The following CADPS variants were observed in gnomAD, a reference collection of about 807,000 sequenced individuals.
CADPS encodes the protein calcium dependent secretion activator, also known as calcium-dependent secretion activator 1.
CADPS carries 57 observed loss-of-function variants against 167.3 expected under a neutral mutation model. The ratio of observed to expected loss-of-function variants is 0.34; its 90% CI spans 0.28 to 0.42. The LOEUF is 0.42. Among genes scored for constraint, CADPS ranks in the 20% least tolerant of loss-of-function variants. The pLI, the probability that CADPS is intolerant of heterozygous loss-of-function variation, is 1.00. For missense variants in CADPS, 1,414 were observed against 1,738.1 expected, an observed-to-expected ratio of 0.81 and a Z score of 3.32; for synonymous variants, 676 against 635.3, an observed-to-expected ratio of 1.06 and a Z score of -0.96.
chr3:62,645,821 C>T lies in CADPS; in HGVS notation c.1226G>A (p.Gly409Asp). The change falls in exon 6 of 30, where the codon GGC becomes GAC. Residue 409 changes from glycine (G) to aspartate (D), a missense_variant. Coordinates refer to ENST00000383710, the MANE Select transcript of CADPS (RefSeq NM_003716.4). The part of the protein sequence containing the change: ...SLEVVIMEVQ[G>D]LKSLAPNRIV... ...GCGATTTGGAGCCAAAGATTTGAGG[C>T]CTTGGACTTCCATAATTACCACCTG... 2 of 1,614,062 alleles carry T rather than the reference C, an allele frequency of 1.2e-6. No homozygotes were observed. Among genetic ancestry groups the T allele is most frequent in the Non-Finnish European group, 8.5e-7 (1 of 1,179,946 alleles).
At chr3:62,413,991 G>T (rs1235534236) in intron 28 of CADPS, among the ~76,000 whole-genome samples, 1 of 152,134 alleles carries the variant, frequency 6.6e-6, no homozygotes, top group Non-Finnish European at 1.5e-5. Flanking sequence ...AGAATTTTGA[G>T]ATTATGAAGA....
intron 1 of CADPS, among the ~76,000 whole-genome samples, chr3:62,855,844 T>C (rs1263549787): frequency 1.3e-5 from 2 of 152,164 alleles, no homozygotes; most frequent in African/African-American, 2.4e-5. Flanking sequence ...ATTAAGGTGC[T>C]TAAGGGGCAA....
chr3:62,763,769 C>T (rs1210612184), intron 2 of CADPS, among the ~76,000 whole-genome samples: 3 of 152,174 alleles, frequency 2.0e-5, no homozygotes, highest in Non-Finnish European at 4.4e-5. Context: ...CTAAGACTCT[C>T]CAAAGTATTT....
intron 8 of CADPS, among the ~76,000 whole-genome samples, chr3:62,577,108 T>C (rs1041496260): frequency 6.6e-6 from 1 of 152,032 alleles, no homozygotes; most frequent in Admixed American, 6.6e-5. Flanking sequence ...TCCCCCAAAA[T>C]TGCTGAATCC....
At chr3:62,612,991 G>A (rs377507712) in intron 6 of CADPS, among the ~76,000 whole-genome samples, 1 of 152,320 alleles carries the variant, frequency 6.6e-6, no homozygotes, top group East Asian at 1.9e-4. Context: ...AAGAATGACA[G>A]GAGTTGTGAA....
intron 6 of CADPS, among the ~76,000 whole-genome samples, chr3:62,644,179 T>C (rs995099803): frequency 2.0e-5 from 3 of 152,200 alleles, no homozygotes; most frequent in Admixed American, 2.0e-4. Flanking sequence ...TGGCAAATTA[T>C]TCATGTTCTG....
In CADPS at chr3:62,481,703, A is replaced by G; in HGVS notation, c.3173+20T>C. Reference sequence around the variant, plus strand: ...GATCACTTAAATTTAAATGAGATCTAATGTGAACTGAATACACACTCCGCA... The same window carrying G: ...GATCACTTAAATTTAAATGAGATCTGATGTGAACTGAATACACACTCCGCA... On this transcript the variant is annotated intron_variant, in intron 22 of 29. Transcript: ENST00000383710. 6.4e-7 allele frequency: 1 copy of G among 1,570,632 alleles called. No homozygotes were observed. Among genetic ancestry groups the G allele is most frequent in the Non-Finnish European group, 8.6e-7 (1 of 1,164,978 alleles).
At chr3:62,832,574 C>T (rs1298908677) in intron 1 of CADPS, among the ~76,000 whole-genome samples, 5 of 152,156 alleles carry the variant, frequency 3.3e-5, no homozygotes, top group African/African-American at 1.2e-4. Flanking sequence ...AGAGTTTTCA[C>T]CTAGCACCAT....
rs990955739 is a variant in CADPS at position 62,817,331 on chromosome 3, A to G, written c.442-51347T>C. ...GTGAGCATCGCAAATCAATTTCAGC[A>G]CACTTTCCTGAGGAAGAGGGAAGGG... is the stretch of plus-strand genomic sequence containing the variant. On this transcript the variant is annotated intron_variant, in intron 1 of 29. Transcript: ENST00000383710. Among the ~76,000 whole-genome samples the G allele has an allele frequency of 2.0e-5, 3 of 152,172 alleles. No individual in the cohort carries two copies. In the East Asian group the frequency reaches 5.8e-4, roughly 29 times the overall value.
At chr3:62,717,418 C>T (rs531507617) in intron 3 of CADPS, among the ~76,000 whole-genome samples, 9 of 152,270 alleles carry the variant, frequency 5.9e-5, no homozygotes, top group African/African-American at 2.2e-4. Context: ...GATATCTAAT[C>T]AAAATATCAA....
intron 5 of CADPS, among the ~76,000 whole-genome samples, chr3:62,649,646 G>C (rs2069553101): frequency 7.6e-6 from 1 of 131,236 alleles, no homozygotes; most frequent in Non-Finnish European, 1.5e-5. Flanking sequence ...CTGCAGCCTT[G>C]ATCTCCCTAG....
At chr3:62,477,549 T>C (rs913931858) in intron 23 of CADPS, among the ~76,000 whole-genome samples, 1 of 152,200 alleles carries the variant, frequency 6.6e-6, no homozygotes, top group African/African-American at 2.4e-5. Flanking sequence ...GCTCAAATGA[T>C]GTTTGCTGAA....
intron 1 of CADPS, among the ~76,000 whole-genome samples, chr3:62,800,798 C>T (rs1457681761): frequency 6.6e-6 from 1 of 152,040 alleles, no homozygotes. Context: ...AAAACAACAA[C>T]AAAAAGATTA....
rs930960550 is a variant in CADPS, at chr3:62,399,924, G to A, written c.3883-339C>T. On this transcript the variant is annotated intron_variant, in intron 29 of 29. Transcript: ENST00000383710. The surrounding 1 kb of genome is among the most constrained non-coding windows in gnomAD (Gnocchi z 5.6). ...GTTCTTTCTCTTAGGTTAGTGTAATGTAATATGATAGACACAGGAAGGGGC... is the reference window on the plus strand; with the variant it reads ...GTTCTTTCTCTTAGGTTAGTGTAATATAATATGATAGACACAGGAAGGGGC... 3.9e-5 allele frequency among the ~76,000 whole-genome samples: 6 copies of A among 152,182 alleles called. No homozygotes were observed. Among genetic ancestry groups the A allele is most frequent in the Admixed American group, 2.0e-4 (3 of 15,276 alleles).
In CADPS at chr3:62,875,152, G is replaced by C. The variant is rs2083438470; in HGVS notation, c.-123C>G. On this transcript the variant is annotated 5_prime_UTR_variant, in exon 1 of 30. Coordinates refer to ENST00000383710, the MANE Select transcript of CADPS (RefSeq NM_003716.4). Reference sequence around the variant, plus strand: ...CGCTTCTCCCCAGGTCAGGGAGCGAGAGCGCTGCTGCTCAGCCTCGGCCGC... The same window carrying C: ...CGCTTCTCCCCAGGTCAGGGAGCGACAGCGCTGCTGCTCAGCCTCGGCCGC... The C allele has an allele frequency of 8.1e-7, 1 of 1,241,648 alleles. No individual in the cohort carries two copies. The highest frequency in any genetic ancestry group is 1.0e-6 in the Non-Finnish European group (1 of 971,460). 76.9% of individuals were successfully genotyped at this position (1,241,648 alleles called of 1,614,324 possible). A position where few individuals can be genotyped will look rare whatever the true frequency, so the allele number is the denominator to read the frequency against.
At chr3:62,549,565 A>T (rs1302245500) in intron 11 of CADPS, among the ~76,000 whole-genome samples, 1 of 152,004 alleles carries the variant, frequency 6.6e-6, no homozygotes, top group Non-Finnish European at 1.5e-5. Context: ...TTTAATAGGA[A>T]GAAATGAAGC....
At chr3:62,445,129 A>T (rs2056988442) in intron 27 of CADPS, among the ~76,000 whole-genome samples, 1 of 152,212 alleles carries the variant, frequency 6.6e-6, no homozygotes, top group African/African-American at 2.4e-5. Flanking sequence ...TGTTGTACTT[A>T]ACCTCAATTT....
At chr3:62,837,348 C>T (rs972812394) in intron 1 of CADPS, among the ~76,000 whole-genome samples, 3 of 152,152 alleles carry the variant, frequency 2.0e-5, no homozygotes, top group African/African-American at 4.8e-5. Flanking sequence ...TTCCCCAACC[C>T]GCATGGAGAA....
rs149177018 is a variant in CADPS at position 62,629,118 on chromosome 3, A to T, written c.1325+16604T>A. Among the ~76,000 whole-genome samples the T allele has an allele frequency of 4.4e-3, 676 of 152,280 alleles. 5 individuals are homozygous for T. Among genetic ancestry groups the T allele is most frequent in the African/African-American group, 0.016 (648 of 41,574 alleles). Reference sequence around the variant, plus strand: ...TCTCCTGATGATTTTTTTAAATAAAAGCTTTAGTGAGAGATCATTTACATA... The same window carrying T: ...TCTCCTGATGATTTTTTTAAATAAATGCTTTAGTGAGAGATCATTTACATA... On this transcript the variant is annotated intron_variant, in intron 6 of 29. Transcript: ENST00000383710.
Sources: allele counts gnomAD v4.1 joint callset (sites outside exome capture counted in the v4.1 genomes callset), GRCh38; gene constraint gnomAD v4.1.1; non-coding constraint Gnocchi (gnomAD v3.1); transcripts MANE v1.5; gene names NCBI Gene and HGNC (gene_info 2026-07-23, HGNC 2026-07-21).